Variants in GFI1 observed in about 807,000 individuals in gnomAD.
GFI1 encodes the protein growth factor independent 1 transcriptional repressor.
Under a neutral mutation model 39.2 loss-of-function variants are expected in GFI1, and 15 were observed. The ratio of observed to expected loss-of-function variants is 0.38; its 90% confidence interval spans 0.26 to 0.59. The LOEUF is 0.59. Ranked by LOEUF, GFI1 falls within the 20% of genes least tolerant of loss-of-function variation. GFI1 has a pLI of 0.62. For missense variants in GFI1, 475 were observed against 574.0 expected (o/e 0.83, Z 1.76); for synonymous variants, 239 against 254.3 (o/e 0.94, Z 0.57).
intron 1 of GFI1, among the ~76,000 whole-genome samples, chr1:92,485,798 C>T (rs1225834476): frequency 6.6e-6 from 1 of 152,212 alleles, no homozygotes; most frequent in Non-Finnish European, 1.5e-5. Flanking sequence ...ACCACCAGAC[C>T]GCCTGCTGCG....
chr1:92,478,706 T>A lies in GFI1; in HGVS notation c.972A>T (p.Ser324=). The A allele has an allele frequency of 1.2e-6, 2 of 1,613,156 alleles. No individual in the cohort carries two copies. Among genetic ancestry groups the A allele is most frequent in the Non-Finnish European group, 1.7e-6 (2 of 1,179,914 alleles). Residue 324 remains serine, a synonymous_variant, in exon 6 of 7, where the codon TCA becomes TCT. Coordinates refer to ENST00000294702, the MANE Select transcript of GFI1 (RefSeq NM_005263.5). ...CKICGKSFKR[S]STLSTHLLIH... Reference sequence around the variant, plus strand: ...TAAGCAGGTGTGTGGACAGTGTGGATGACCTCTTGAAGCTCTTCCCACAGA... The same window carrying A: ...TAAGCAGGTGTGTGGACAGTGTGGAAGACCTCTTGAAGCTCTTCCCACAGA...
Position 92,478,703 on chromosome 1 carries a change from G to A in GFI1, c.975C>T (p.Ser325=). The A allele has an allele frequency of 1.2e-6, 2 of 1,613,262 alleles. No homozygotes were observed. The highest frequency in any genetic ancestry group is 8.5e-7 in the Non-Finnish European group (1 of 1,179,852). ...KICGKSFKRS[S]TLSTHLLIHS... ...GGATAAGCAGGTGTGTGGACAGTGT[G>A]GATGACCTCTTGAAGCTCTTCCCAC... The change falls in exon 6 of 7, where the codon TCC becomes TCT. Residue 325 remains serine (S), a synonymous_variant. Transcript: ENST00000294702.
At position 92,482,990 on chromosome 1, in the gene GFI1, C is replaced by T. The variant is rs267598770; in HGVS notation, c.172G>A (p.Glu58Lys). 1 of 1,610,838 alleles carries T rather than the reference C, an allele frequency of 6.2e-7. No individual in the cohort carries two copies. The highest frequency in any genetic ancestry group is 1.3e-5 in the African/African-American group (1 of 74,942). Reference protein sequence around the residue: ...KAEPRDRLSPESQLTEAPDRA... With the variant: ...KAEPRDRLSPKSQLTEAPDRA... ...TCTGGGGCTTCGGTCAGCTGCGATT[C>T]GGGGGACAAACGGTCCCGGGGCTCC... The change falls in exon 3 of 7, where the codon GAA becomes AAA. Residue 58 changes from glutamate (E) to lysine (K), a missense_variant. By Grantham distance (56) the Glu-to-Lys change is moderately conservative (BLOSUM62 1). Transcript: ENST00000294702. This position sits in a 1 kb window ranked among gnomAD's most constrained non-coding sequence, Gnocchi z 4.4.
rs933206086 is a variant in GFI1, at chr1:92,481,674, T to G, written c.299-586A>C. On this transcript the variant is annotated intron_variant, in intron 3 of 6. Transcript: ENST00000294702. This position sits in a 1 kb window ranked among gnomAD's most constrained non-coding sequence, Gnocchi z 4.3. The stretch of plus-strand genomic sequence containing the variant: ...CCGAAGGTATTAAGATTTCACGAAG[T>G]TAAGTGCCCAGTGTACGTAGCAAAG... 5.9e-5 allele frequency among the ~76,000 whole-genome samples: 9 copies of G among 152,154 alleles called. No homozygotes were observed. The highest frequency in any genetic ancestry group is 1.0e-4 in the Non-Finnish European group (7 of 68,026).
chr1:92,474,252 A>G lies in GFI1; in HGVS notation c.*1777T>C, dbSNP rs1461886417. ...TTTCCTTTCCAGTCTCCACAGAATC[A>G]AAGCGGTCAGGGTTGGACAGGAATG... is the stretch of plus-strand genomic sequence containing the variant. On this transcript the variant is annotated 3_prime_UTR_variant, in exon 7 of 7. Transcript: ENST00000294702. Among the ~76,000 whole-genome samples the G allele has an allele frequency of 6.6e-6, 1 of 152,210 alleles. No individual in the cohort carries two copies. The highest frequency in any genetic ancestry group is 1.5e-5 in the Non-Finnish European group (1 of 68,042).
At position 92,480,981 on chromosome 1, in the gene GFI1, C is replaced by T; in HGVS notation, c.406G>A (p.Val136Met). Residue 136 changes from valine (V) to methionine (M), a missense_variant, in exon 4 of 7, where the codon GTG becomes ATG. By Grantham distance (21) the Val-to-Met change is conservative. Transcript: ENST00000294702. This position sits in a 1 kb window ranked among gnomAD's most constrained non-coding sequence, Gnocchi z 5.6. Reference sequence around the variant, plus strand: ...GCCCCACACGGTCGGTAGCTCTGCACCAGGTGCCGCAGGTCAGAACCCGCC... The same window carrying T: ...GCCCCACACGGTCGGTAGCTCTGCATCAGGTGCCGCAGGTCAGAACCCGCC... ...GLAGSDLRHL[V>M]QSYRPCGALE... The T allele has an allele frequency of 6.2e-7, 1 of 1,605,794 alleles. No homozygotes were observed. Among genetic ancestry groups the T allele is most frequent in the Non-Finnish European group, 8.5e-7 (1 of 1,176,822 alleles).
rs934527336 is a variant in GFI1, at chr1:92,481,201, T to C, written c.299-113A>G. 9.4e-6 allele frequency: 9 copies of C among 956,196 alleles called. No homozygotes were observed. Among genetic ancestry groups the C allele is most frequent in the African/African-American group, 1.6e-5 (1 of 61,628 alleles). 59.2% of individuals were successfully genotyped at this position (956,196 alleles called of 1,614,324 possible). ...CGGACTGCGGGGCACCCAGCGCTTGTAGAACACTGCGTGCGCCAGGTGCCA... is the reference window on the plus strand; with the variant it reads ...CGGACTGCGGGGCACCCAGCGCTTGCAGAACACTGCGTGCGCCAGGTGCCA... On this transcript the variant is annotated intron_variant, in intron 3 of 6. Transcript: ENST00000294702. The surrounding 1 kb of genome is among the most constrained non-coding windows in gnomAD (Gnocchi z 4.3).
Position 92,483,599 on chromosome 1 carries a change from G to GA in GFI1, c.-99-14dup, listed in dbSNP as rs1310808510. 1 of 725,798 alleles carries GA rather than the reference G, an allele frequency of 1.4e-6. No homozygotes were observed. The highest frequency in any genetic ancestry group is 2.5e-6 in the Non-Finnish European group (1 of 400,498). The allele number at this position is 725,798 out of a possible 1,614,324, so 45.0% of individuals were successfully genotyped here. ...GCCCGGAGGAGACCTGAGAGGGAAA[G>GA]AAAACCAGGTGGAGACGTGGGTCAG... On this transcript the variant is annotated splice_polypyrimidine_tract_variant and intron_variant, in intron 1 of 6. Coordinates refer to ENST00000294702, the MANE Select transcript of GFI1 (RefSeq NM_005263.5).
chr1:92,486,570 CG>C (rs1482279256), intron 1 of GFI1, among the ~76,000 whole-genome samples, 155 bp downstream of exon 1: 1 of 151,172 alleles, frequency 6.6e-6, no homozygotes, highest in African/African-American at 2.4e-5. Flanking sequence ...GCACCACCCC[CG>C]GGTCGGGACC....
In GFI1 at chr1:92,484,149, G is replaced by A. The variant is rs1362215792; in HGVS notation, c.-99-563C>T. ...ACAGAACACAAGATAAAACTGTGGGGCGGCGGGAGGACAGCAGCAGAGGGA... is the reference window on the plus strand; with the variant it reads ...ACAGAACACAAGATAAAACTGTGGGACGGCGGGAGGACAGCAGCAGAGGGA... On this transcript the variant is annotated intron_variant, in intron 1 of 6. Coordinates refer to ENST00000294702, the MANE Select transcript of GFI1 (RefSeq NM_005263.5). This position sits in a 1 kb window ranked among gnomAD's most constrained non-coding sequence, Gnocchi z 4.1. Among the ~76,000 whole-genome samples, 2 of 152,162 alleles carry A rather than the reference G, an allele frequency of 1.3e-5. No homozygotes were observed. Among genetic ancestry groups the A allele is most frequent in the Non-Finnish European group, 2.9e-5 (2 of 68,038 alleles).
In GFI1 at chr1:92,480,327, G is replaced by A. The variant is rs539780658; in HGVS notation, c.924+21C>T. On this transcript the variant is annotated intron_variant, in intron 5 of 6. Coordinates refer to ENST00000294702, the MANE Select transcript of GFI1 (RefSeq NM_005263.5). This position sits in a 1 kb window ranked among gnomAD's most constrained non-coding sequence, Gnocchi z 5.6. ...AAGATCCCCGAGCAGGGCCGCGCGC[G>A]GCGGTGCGCCCCGCGCTTACCTGCG... The A allele has an allele frequency of 1.2e-5, 19 of 1,545,112 alleles. No homozygotes were observed. In the South Asian group the frequency reaches 2.1e-4, roughly 17 times the overall value.
chr1:92,482,948 G>C lies in GFI1; in HGVS notation c.214C>G (p.Pro72Ala). The C allele has an allele frequency of 6.2e-7, 1 of 1,613,824 alleles. No homozygotes were observed. Among genetic ancestry groups the C allele is most frequent in the African/African-American group, 1.3e-5 (1 of 75,062 alleles). The change falls in exon 3 of 7, where the codon CCA becomes GCA. Residue 72 changes from proline (P) to alanine (A), a missense_variant. By Grantham distance (27) the Pro-to-Ala change is conservative. Around this residue, in one of 4 missense-constraint regions of GFI1, gnomAD observed 275 missense variants for 275.8 expected, o/e 1.00. Coordinates refer to ENST00000294702, the MANE Select transcript of GFI1 (RefSeq NM_005263.5). This position sits in a 1 kb window ranked among gnomAD's most constrained non-coding sequence, Gnocchi z 4.4. ...CAGACGCTGCCTTCGCAGCTGTCTGGGGATGCGGAGGCTCTGTCTGGGGCT... is the reference window on the plus strand; with the variant it reads ...CAGACGCTGCCTTCGCAGCTGTCTGCGGATGCGGAGGCTCTGTCTGGGGCT... ...TEAPDRASASPDSCEGSVCER... is the reference protein window; with the variant it reads ...TEAPDRASASADSCEGSVCER...
intron 5 of GFI1, among the ~76,000 whole-genome samples, chr1:92,479,936 T>A (rs79020068): frequency 1.3e-3 from 203 of 152,084 alleles, no homozygotes; most frequent in African/African-American, 4.8e-3. Context: ...ATGCTCTAAA[T>A]GAGCTGAGAT....
Position 92,478,733 on chromosome 1 carries a change from C to T in GFI1, c.945G>A (p.Lys315=). The T allele has an allele frequency of 6.4e-7, 1 of 1,560,574 alleles. No homozygotes were observed. The highest frequency in any genetic ancestry group is 8.8e-7 in the Non-Finnish European group (1 of 1,138,032). The change falls in exon 6 of 7, where the codon AAG becomes AAA. Residue 315 remains lysine, a synonymous_variant. Transcript: ENST00000294702. The part of the protein sequence containing the change: ...VHSQERSFDC[K]ICGKSFKRSS... ...ACCTCTTGAAGCTCTTCCCACAGAT[C>T]TTACAGTCAAAGCTCCGTTCCTGCA...
rs756137710 is a variant in GFI1, at chr1:92,480,589, C to A, written c.786+12G>T. 39 of 1,543,022 alleles carry A rather than the reference C, an allele frequency of 2.5e-5. No homozygotes were observed. The highest frequency in any genetic ancestry group is 3.3e-5 in the Non-Finnish European group (38 of 1,147,772). Reference sequence around the variant, plus strand: ...CGCACGGCAGGCGAGGTGGTGAGCTCGGGAGCCTCACCTTGCTGCACTTGA... The same window carrying A: ...CGCACGGCAGGCGAGGTGGTGAGCTAGGGAGCCTCACCTTGCTGCACTTGA... On this transcript the variant is annotated intron_variant, in intron 4 of 6. Coordinates refer to ENST00000294702, the MANE Select transcript of GFI1 (RefSeq NM_005263.5). The surrounding 1 kb of genome is among the most constrained non-coding windows in gnomAD (Gnocchi z 5.6).
At position 92,478,767 on chromosome 1, in the gene GFI1, G is replaced by GAGAGAA. The variant is rs764707446; in HGVS notation, c.925-15_925-14insTTCTCT. The stretch of plus-strand genomic sequence containing the variant: ...AAAGCTCCGTTCCTGCAGAGAGAGA[G>GAGAGAA]AGAGAGAGAGAGAGAGAGAGAGAGA... On this transcript the variant is annotated splice_polypyrimidine_tract_variant and intron_variant, in intron 5 of 6. Transcript: ENST00000294702. 7.0e-7 allele frequency: 1 copy of GAGAGAA among 1,420,282 alleles called. No homozygotes were observed. The highest frequency in any genetic ancestry group is 9.7e-7 in the Non-Finnish European group (1 of 1,034,592). The allele number at this position is 1,420,282 out of a possible 1,614,324, so 88.0% of individuals were successfully genotyped here.
Position 92,475,814 on chromosome 1 carries a change from C to T in GFI1, c.*215G>A, listed in dbSNP as rs41300327. ...CCGAAGCCTAGAGAGTCACTTGGTT[C>T]TCACTCTCGGCTGCACTTTGAAAAG... On this transcript the variant is annotated 3_prime_UTR_variant, in exon 7 of 7. Transcript: ENST00000294702. The T allele has an allele frequency of 8.0e-3, 4,744 of 591,944 alleles. 40 individuals carry two copies. The highest frequency in any genetic ancestry group is 0.012 in the South Asian group (604 of 51,338). 36.7% of individuals were successfully genotyped at this position (591,944 alleles called of 1,614,324 possible). A position where few individuals can be genotyped will look rare whatever the true frequency, so the allele number is the denominator to read the frequency against.
intron 1 of GFI1, chr1:92,483,799 C>T (rs978989420): frequency 4.7e-6 from 2 of 427,098 alleles, no homozygotes; most frequent in South Asian, 2.0e-5. Flanking sequence ...TGACACAGCT[C>T]AGCGGTAAAA....
rs763248172 is a variant in GFI1, at chr1:92,480,913, G to T, written c.474C>A (p.Ala158=). The change falls in exon 4 of 7, where the codon GCC becomes GCA. Residue 158 remains alanine, a synonymous_variant. Transcript: ENST00000294702. This position sits in a 1 kb window ranked among gnomAD's most constrained non-coding sequence, Gnocchi z 5.6. ...GCGCGGCCGGGTGGCCAGGCTCCGG[G>T]GCGGGTTCGCAGAAGAGGCCCAGGC... ...GAGLGLFCEP[A]PEPGHPAALY... 4 of 1,550,844 alleles carry T rather than the reference G, an allele frequency of 2.6e-6. No homozygotes were observed. Among genetic ancestry groups the T allele is most frequent in the Non-Finnish European group, 3.5e-6 (4 of 1,147,908 alleles).
Sources: allele counts gnomAD v4.1 joint callset (sites outside exome capture counted in the v4.1 genomes callset), GRCh38; gene constraint gnomAD v4.1.1; regional missense constraint gnomAD v4.1.1; non-coding constraint Gnocchi (gnomAD v3.1); transcripts MANE v1.5; gene names NCBI Gene and HGNC (gene_info 2026-07-23, HGNC 2026-07-21).